Variants in PCDH11X observed in about 807,000 individuals in gnomAD.
PCDH11X encodes protocadherin-11 X-linked.
In PCDH11X, 18 loss-of-function variants were observed where a neutral mutation model predicts 53.3. That is an observed-to-expected ratio of 0.34 (90% CI 0.23 to 0.50). PCDH11X has a LOEUF of 0.50. PCDH11X is among the 20% of genes least tolerant of loss of function. The pLI is 0.98. For missense variants in PCDH11X, 570 were observed against 1,032.4 expected (o/e 0.55, Z 6.14); for synonymous variants, 279 against 393.3 (o/e 0.71, Z 3.44).
At chrX:91,937,285 A>G (rs1241277552) in intron 6 of PCDH11X, among the ~76,000 whole-genome samples, 1 of 110,608 alleles carries the variant, frequency 9.0e-6, no homozygotes, top group Non-Finnish European at 1.9e-5. Flanking sequence ...GAATTTACAC[A>G]ATTTTTTCTT....
At chrX:92,152,757 ATGTATGTATG>A (rs963348256) in intron 6 of PCDH11X, among the ~76,000 whole-genome samples, 3 of 29,340 alleles carry the variant, frequency 1.0e-4, no homozygotes, top group African/African-American at 6.7e-4. Context: ...TATTTTATGT[ATGTATGTATG>A]TATGTATGTA....
chrX:91,988,515 G>T (rs757327002), intron 6 of PCDH11X, among the ~76,000 whole-genome samples: 1 of 111,666 alleles, frequency 9.0e-6, no homozygotes, highest in Non-Finnish European at 1.9e-5. Flanking sequence ...CAATCAATTC[G>T]CATGCAGTAA....
At chrX:92,208,508 A>AATATATATATATATATATGTAT (rs2066518064) in intron 7 of PCDH11X, among the ~76,000 whole-genome samples, 1 of 30,677 alleles carries the variant, frequency 3.3e-5, no homozygotes, top group South Asian at 2.1e-3. Context: ...CCCTGAAACT[A>AATATATATATATATATATGTAT]ATATATATAT....
chrX:92,002,379 C>T (rs1249200923), intron 6 of PCDH11X, among the ~76,000 whole-genome samples: 1 of 108,636 alleles, frequency 9.2e-6, no homozygotes, highest in African/African-American at 3.3e-5. Flanking sequence ...TTTGGCTATT[C>T]TGGGTCTTTT....
At chrX:92,370,870 G>A (rs764833606) in intron 8 of PCDH11X, among the ~76,000 whole-genome samples, 60 of 111,531 alleles carry the variant, frequency 5.4e-4, no homozygotes, top group African/African-American at 1.9e-3. Context: ...TGTTAATGTT[G>A]GCTTCATATA....
chrX:92,334,744 T>C (rs1333820354), intron 8 of PCDH11X, among the ~76,000 whole-genome samples: 1 of 111,890 alleles, frequency 8.9e-6, no homozygotes, highest in African/African-American at 3.2e-5. Flanking sequence ...GATAAACTTA[T>C]AGTATCGAGA....
At chrX:92,068,779 A>G (rs1320547331) in intron 6 of PCDH11X, among the ~76,000 whole-genome samples, 1 of 110,521 alleles carries the variant, frequency 9.0e-6, no homozygotes, top group Non-Finnish European at 1.9e-5. Context: ...ACCTCAAGTG[A>G]TCTGCTTGCC....
intron 10 of PCDH11X, among the ~76,000 whole-genome samples, chrX:92,531,171 A>G (rs1488283278): frequency 9.0e-6 from 1 of 110,792 alleles, no homozygotes; most frequent in African/African-American, 3.3e-5. Flanking sequence ...GTAAGAATTT[A>G]AGACTAAATG....
intron 6 of PCDH11X, among the ~76,000 whole-genome samples, chrX:92,176,954 G>GT (rs771094303): frequency 3.0e-3 from 305 of 101,842 alleles, no homozygotes; most frequent in Non-Finnish European, 4.2e-3. Flanking sequence ...GTACAACGTA[G>GT]TTTTTTTTTT....
chrX:92,012,199 GT>G (rs929653501), intron 6 of PCDH11X, among the ~76,000 whole-genome samples: 112 of 104,087 alleles, frequency 1.1e-3, no homozygotes, highest in African/African-American at 3.5e-3. Context: ...AGACCATGTG[GT>G]TTTTTTTTTG....
At chrX:91,942,337 G>A (rs1349002882) in intron 6 of PCDH11X, among the ~76,000 whole-genome samples, 2 of 110,803 alleles carry the variant, frequency 1.8e-5, no homozygotes, top group Non-Finnish European at 3.8e-5. Flanking sequence ...ATAAGAAGAG[G>A]AGATGCAACT....
chrX:91,828,975 A>G (rs1937016088), intron 4 of PCDH11X, among the ~76,000 whole-genome samples: 1 of 109,848 alleles, frequency 9.1e-6, no homozygotes, highest in East Asian at 2.8e-4. Flanking sequence ...TCAACTGTTG[A>G]TTTTACTGCA....
At chrX:92,051,467 A>G (rs2063366044) in intron 6 of PCDH11X, among the ~76,000 whole-genome samples, 1 of 111,856 alleles carries the variant, frequency 8.9e-6, no homozygotes, top group African/African-American at 3.2e-5. Flanking sequence ...GTACCTGTAT[A>G]TTAATTAGGT....
rs1046248535 is a variant in PCDH11X, at chrX:92,152,360, T to C, written c.3034-49015T>C. On this transcript the variant is annotated intron_variant, in intron 6 of 10. Transcript: ENST00000682573. ...GTCCAGTCAATATAATTTTATGTACTTTTCAATTATAATGCAAAGTAGTAG... is the reference window on the plus strand; with the variant it reads ...GTCCAGTCAATATAATTTTATGTACCTTTCAATTATAATGCAAAGTAGTAG... 9.3e-5 allele frequency among the ~76,000 whole-genome samples: 10 copies of C among 107,570 alleles called. 1 individual carries two copies. The highest frequency in any genetic ancestry group is 4.1e-4 in the Admixed American group (4 of 9,801). 93.4% of individuals were successfully genotyped at this position (107,570 alleles called of 115,157 possible).
Position 92,223,211 on chromosome X carries a change from T to A in PCDH11X, c.3114+21756T>A, listed in dbSNP as rs149590971. Among the ~76,000 whole-genome samples, 225 of 112,043 alleles carry A rather than the reference T, an allele frequency of 2.0e-3. 5 individuals carry two copies. The East Asian group carries it at 0.047, about 23-fold the overall frequency. ...CTTTGCTCTTTCTTTAATTCATCCC[T>A]TTTATTCATTCCTCCCTACTTATTT... On this transcript the variant is annotated intron_variant, in intron 7 of 10. Coordinates refer to ENST00000682573, the MANE Select transcript of PCDH11X (RefSeq NM_032968.5).
chrX:92,458,032 T>A (rs945950700), intron 9 of PCDH11X, among the ~76,000 whole-genome samples: 1 of 109,962 alleles, frequency 9.1e-6, no homozygotes, highest in Non-Finnish European at 1.9e-5. Context: ...AGTATAGACA[T>A]GCGTATAATA....
At chrX:91,824,047 G>A (rs1437362148) in intron 4 of PCDH11X, among the ~76,000 whole-genome samples, 1 of 111,633 alleles carries the variant, frequency 9.0e-6, no homozygotes, top group African/African-American at 3.3e-5. Flanking sequence ...GAGATCCGCT[G>A]TTAGTCTGAT....
chrX:92,512,876 C>T (rs5942274), intron 10 of PCDH11X, among the ~76,000 whole-genome samples: 12,481 of 110,304 alleles, frequency 0.11, 538 homozygotes, highest in African/African-American at 0.16. Flanking sequence ...TTAATTATGC[C>T]TCAGTTTTCT....
intron 8 of PCDH11X, among the ~76,000 whole-genome samples, chrX:92,325,150 A>C (rs1452819741): frequency 9.0e-6 from 1 of 111,072 alleles, no homozygotes; most frequent in East Asian, 2.9e-4. Flanking sequence ...TTGGAACAAA[A>C]AGATAACTCG....
Sources: allele counts gnomAD v4.1 joint callset (sites outside exome capture counted in the v4.1 genomes callset), GRCh38; gene constraint gnomAD v4.1.1; transcripts MANE v1.5; gene names NCBI Gene and HGNC (gene_info 2026-07-23, HGNC 2026-07-21).